The following NWD1 variants were observed in gnomAD, a reference collection of about 807,000 sequenced individuals.
NWD1 encodes NACHT domain- and WD repeat-containing protein 1.
Under a neutral mutation model 135.1 loss-of-function variants are expected in NWD1, and 129 were observed. The ratio of observed to expected loss-of-function variants is 0.96; its 90% CI spans 0.83 to 1.11. The LOEUF (loss-of-function observed/expected upper bound fraction) is 1.11. NWD1 is among the 50% of genes least tolerant of loss of function. The probability of loss-of-function intolerance (pLI) is 0.00; values close to 1 mark genes in which losing one functional copy is unlikely to be tolerated. For missense variants in NWD1, 1,740 were observed against 1,851.3 expected, an observed-to-expected ratio of 0.94 and a Z score of 1.10; for synonymous variants, 773 against 786.0, an observed-to-expected ratio of 0.98 and a Z score of 0.28.
chr19:16,749,723 C>T lies in NWD1; in HGVS notation c.1081C>T (p.Leu361=). The T allele has an allele frequency of 6.2e-7, 1 of 1,605,504 alleles. No homozygotes were observed. Among genetic ancestry groups the T allele is most frequent in the Non-Finnish European group, 8.5e-7 (1 of 1,175,222 alleles). The change falls in exon 6 of 19, where the codon CTG becomes TTG. Residue 361 remains leucine, a synonymous_variant. Coordinates refer to ENST00000524140, the MANE Select transcript of NWD1 (RefSeq NM_001007525.5). ...CAAGCTGGCTGAGCAGATGCCAAGG[C>T]TGCTGGGGCACAAGACAGTGACCGT... ...MCKLAEQMPR[L]LGHKTVTVLR...
intron 6 of NWD1, among the ~76,000 whole-genome samples, chr19:16,757,446 G>C (rs1175631868): frequency 6.6e-6 from 1 of 152,160 alleles, no homozygotes; most frequent in East Asian, 1.9e-4. Context: ...TAAGAGTTCA[G>C]AAAAAGAGGA....
intron 3 of NWD1, among the ~76,000 whole-genome samples, chr19:16,733,520 CAAA>C (rs11436280): frequency 4.5e-5 from 6 of 133,356 alleles, no homozygotes; most frequent in Admixed American, 7.7e-5. Flanking sequence ...GATTCTGTCT[CAAA>C]AAAAAAAAAA....
At chr19:16,771,819 C>T (rs1336219734) in intron 10 of NWD1, among the ~76,000 whole-genome samples, 1 of 149,578 alleles carries the variant, frequency 6.7e-6, no homozygotes, top group Non-Finnish European at 1.5e-5. Context: ...TGATCCAACG[C>T]GATCACGAGT....
chr19:16,750,521 C>A, intron 6 of NWD1, 110 bp downstream of exon 6: 1 of 817,942 alleles, frequency 1.2e-6, no homozygotes, highest in South Asian at 2.1e-5. Flanking sequence ...GTGGTGTGAT[C>A]ATAGCTCACT....
At chr19:16,759,531 T>C (rs1174298700) in intron 7 of NWD1, 103 bp downstream of exon 7, 1 of 797,840 alleles carries the variant, frequency 1.3e-6, no homozygotes. Flanking sequence ...TCACTTACCA[T>C]TCCCAGGGAA....
rs147640381 is a variant in NWD1 at position 16,758,568 on chromosome 19, C to T, written c.1770-657C>T. Among the ~76,000 whole-genome samples, 16 of 152,302 alleles carry T rather than the reference C, an allele frequency of 1.1e-4. 1 individual carries two copies. The highest frequency in any genetic ancestry group is 3.4e-3 in the Middle Eastern group (1 of 294). On this transcript the variant is annotated intron_variant, in intron 6 of 18. Transcript: ENST00000524140. ...CAGGGATTACAGGTGTGAGCCACCA[C>T]GCCCAGCCCAATTATCCTAATTTAA...
intron 13 of NWD1, among the ~76,000 whole-genome samples, chr19:16,790,639 A>AT (rs1555730358): frequency 0.17 from 24,426 of 147,310 alleles, 4,526 homozygotes; most frequent in African/African-American, 0.45. Context: ...CATTAAAAAA[A>AT]AATAAATAAA....
Position 16,815,504 on chromosome 19 carries a change from A to G in NWD1, c.*465A>G, listed in dbSNP as rs1047041423. The stretch of plus-strand genomic sequence containing the variant: ...TTTCCATTATTCTTTCCTCTTTTTC[A>G]TTTTCATTCTCAGACTTGCCACCCC... On this transcript the variant is annotated 3_prime_UTR_variant, in exon 19 of 19. Transcript: ENST00000524140. The G allele has an allele frequency of 9.0e-6, 5 of 553,248 alleles. No homozygotes were observed. Among genetic ancestry groups the G allele is most frequent in the Admixed American group, 3.4e-5 (1 of 29,310 alleles). The allele number at this position is 553,248 out of a possible 1,614,324, so 34.3% of individuals were successfully genotyped here. A position where few individuals can be genotyped will look rare whatever the true frequency, so the allele number is the denominator to read the frequency against.
intron 1 of NWD1, among the ~76,000 whole-genome samples, chr19:16,722,120 A>AAAC (rs1278288546): frequency 1.8e-4 from 16 of 86,730 alleles, no homozygotes; most frequent in Non-Finnish European, 3.6e-4. Flanking sequence ...CTCTTGAAAA[A>AAAC]AACAACAACA....
chr19:16,771,971 T>C (rs1346033594), intron 10 of NWD1, among the ~76,000 whole-genome samples: 1 of 152,002 alleles, frequency 6.6e-6, no homozygotes, highest in Non-Finnish European at 1.5e-5. Flanking sequence ...CTAATTTTTC[T>C]TAATAGCCCA....
chr19:16,791,579 A>G lies in NWD1; in HGVS notation c.3170A>G (p.Gln1057Arg). The G allele has an allele frequency of 1.9e-6, 3 of 1,614,200 alleles. No homozygotes were observed. Among genetic ancestry groups the G allele is most frequent in the Non-Finnish European group, 1.7e-6 (2 of 1,180,038 alleles). The stretch of plus-strand genomic sequence containing the variant: ...ACCTGTGCCGTCTCAGTCCAGAAGC[A>G]AGGAAAGCTTGTTACCGGGTTTAGC... Reference protein sequence around the residue: ...TPTCAVSVQKQGKLVTGFSNG... With the variant: ...TPTCAVSVQKRGKLVTGFSNG... The change falls in exon 14 of 19, where the codon CAA (glutamine) becomes CGA (arginine). Residue 1057 changes from glutamine (Q) to arginine (R), a missense_variant. Gln to Arg is a conservative substitution (Grantham distance 43). Transcript: ENST00000524140.
chr19:16,771,457 A>G (rs1393007741), intron 10 of NWD1, among the ~76,000 whole-genome samples: 1 of 152,192 alleles, frequency 6.6e-6, no homozygotes, highest in Non-Finnish European at 1.5e-5. Flanking sequence ...CTCAAAATAC[A>G]CAAATAAATA....
At chr19:16,779,948 C>T (rs1363408054) in intron 12 of NWD1, among the ~76,000 whole-genome samples, 1 of 152,276 alleles carries the variant, frequency 6.6e-6, no homozygotes, top group Non-Finnish European at 1.5e-5. Flanking sequence ...CTTTAGCTCA[C>T]TTCCTGTGCA....
In NWD1 at chr19:16,802,788, G is replaced by A. The variant is rs371284842; in HGVS notation, c.3736+2626G>A. 2.6e-5 allele frequency among the ~76,000 whole-genome samples: 4 copies of A among 151,978 alleles called. No individual in the cohort carries two copies. In the East Asian group the frequency reaches 5.8e-4, roughly 22 times the overall value. On this transcript the variant is annotated intron_variant, in intron 17 of 18. Transcript: ENST00000524140. ...GGCCAAGGCAGGCGCATCATTTGAG[G>A]TCAGGTGTTCGAGACTAGCCTGGCC...
chr19:16,746,790 A>T (rs1371725574), intron 5 of NWD1, among the ~76,000 whole-genome samples: 1 of 152,196 alleles, frequency 6.6e-6, no homozygotes, highest in Non-Finnish European at 1.5e-5. Context: ...AAATGTTATT[A>T]CAAAAATCAC....
intron 3 of NWD1, among the ~76,000 whole-genome samples, chr19:16,732,952 T>A (rs1248991198): frequency 6.6e-6 from 1 of 152,160 alleles, no homozygotes; most frequent in South Asian, 2.1e-4. Context: ...CCGGGCACAG[T>A]GGCTAACACC....
Position 16,773,289 on chromosome 19 carries a change from A to G in NWD1, c.2574A>G (p.Gly858=). Residue 858 remains glycine (G), a synonymous_variant, in exon 11 of 19, where the codon GGA becomes GGG. Coordinates refer to ENST00000524140, the MANE Select transcript of NWD1 (RefSeq NM_001007525.5). ...GAGGATTCCTCCAGCCCCCGGGAGG[A>G]CCCCTCCGGGCAACTCTCAGCGGCT... ...PLGGFLQPPG[G]PLRATLSGCH... 1 of 1,612,840 alleles carries G rather than the reference A, an allele frequency of 6.2e-7. No individual in the cohort carries two copies. Among genetic ancestry groups the G allele is most frequent in the Non-Finnish European group, 8.5e-7 (1 of 1,179,868 alleles).
In NWD1 at chr19:16,765,102, C is replaced by T. The variant is rs767023525; in HGVS notation, c.2320C>T (p.Leu774=). ...TGAAGACCTGCTGGATGACTTTGAC[C>T]TGTGTGCCCCTCACCTGGACTCCCC... ...GIEDLLDDFD[L]CAPHLDSPEV... Residue 774 remains leucine (L), a synonymous_variant, in exon 10 of 19, where the codon CTG becomes TTG. Coordinates refer to ENST00000524140, the MANE Select transcript of NWD1 (RefSeq NM_001007525.5). 1.2e-6 allele frequency: 2 copies of T among 1,614,100 alleles called. No homozygotes were observed. Among genetic ancestry groups the T allele is most frequent in the Non-Finnish European group, 8.5e-7 (1 of 1,180,008 alleles).
At chr19:16,722,010 C>T (rs764129661) in intron 1 of NWD1, among the ~76,000 whole-genome samples, 12 of 151,772 alleles carry the variant, frequency 7.9e-5, no homozygotes, top group East Asian at 3.9e-4. Context: ...CTACTTGAGA[C>T]GCCGAGGCAG....
Sources: gnomAD v4.1 joint callset for allele counts (sites outside exome capture counted in the v4.1 genomes callset) on GRCh38, gnomAD v4.1.1 for gene constraint, MANE v1.5 for transcripts, NCBI Gene and HGNC (gene_info 2026-07-23, HGNC 2026-07-21) for gene names.